The following POLD1 variants were observed in gnomAD, a reference collection of about 807,000 sequenced individuals.
POLD1 encodes DNA polymerase delta catalytic subunit.
Under a neutral mutation model 129.7 loss-of-function variants are expected in POLD1, and 79 were observed. The ratio of observed to expected loss-of-function variants is 0.61; its 90% CI spans 0.51 to 0.73. The LOEUF (loss-of-function observed/expected upper bound fraction) is 0.73. Ranked by LOEUF, POLD1 falls within the 30% of genes least tolerant of loss-of-function variation. The pLI is 0.00. For synonymous variants in POLD1, 714 were observed against 683.3 expected, an observed-to-expected ratio of 1.04 and a Z score of -0.70; for missense variants, 1,338 against 1,595.8, an observed-to-expected ratio of 0.84 and a Z score of 2.75.
At chr19:50,394,819 G>A (rs902692582) in intron 1 of POLD1, among the ~76,000 whole-genome samples, 2 of 151,858 alleles carry the variant, frequency 1.3e-5, no homozygotes, top group African/African-American at 4.8e-5. Flanking sequence ...GGACCCTGGG[G>A]GACAAGTACT....
intron 17 of POLD1, chr19:50,410,957 CTT>C (rs74367625): frequency 1.9e-4 from 24 of 124,182 alleles, no homozygotes; most frequent in Non-Finnish European, 1.1e-4. Context: ...ACACAAACAC[CTT>C]TTTTTTTTTT....
chr19:50,399,358 C>T lies in POLD1; in HGVS notation c.203-13C>T. 1 of 1,602,910 alleles carries T rather than the reference C, an allele frequency of 6.2e-7. No homozygotes were observed. Among genetic ancestry groups the T allele is most frequent in the South Asian group, 1.1e-5 (1 of 90,772 alleles). On this transcript the variant is annotated splice_polypyrimidine_tract_variant and intron_variant, in intron 2 of 26. Transcript: ENST00000440232. ...GACTCCATGTACTCCACTTCCTTCC[C>T]TTCCCCCACCAGGGCAGGTCCCACC...
At chr19:50,394,702 G>T (rs940409574) in intron 1 of POLD1, among the ~76,000 whole-genome samples, 39 of 152,038 alleles carry the variant, frequency 2.6e-4, no homozygotes, top group African/African-American at 8.5e-4. Flanking sequence ...TGGATATGGG[G>T]CAACCGTTAT....
intron 3 of POLD1, among the ~76,000 whole-genome samples, chr19:50,401,117 G>A (rs1400759146): frequency 2.0e-5 from 3 of 151,156 alleles, no homozygotes; most frequent in Non-Finnish European, 3.0e-5. Context: ...GTGAAACCCC[G>A]TCTCTACTAA....
intron 2 of POLD1, 149 bp downstream of exon 2, chr19:50,399,202 T>G (rs2038489264): frequency 1.5e-6 from 2 of 1,311,436 alleles, no homozygotes; most frequent in Non-Finnish European, 2.1e-6. Flanking sequence ...CCGTGCAGCC[T>G]GTGTGGCCTA....
chr19:50,416,778 C>T (rs2039313976), intron 24 of POLD1, 55 bp downstream of exon 24: 3 of 1,344,432 alleles, frequency 2.2e-6, no homozygotes, highest in African/African-American at 2.9e-5. Flanking sequence ...TCTGCCGTCA[C>T]CCCAGATCCT....
chr19:50,405,135 T>C (rs1164060088), intron 10 of POLD1, among the ~76,000 whole-genome samples: 4 of 152,072 alleles, frequency 2.6e-5, no homozygotes, highest in East Asian at 1.9e-4. Context: ...CTGGTCTCCA[T>C]CCTCACCTCA....
chr19:50,408,603 A>C, intron 14 of POLD1, 182 bp from the exon 15 acceptor site: 3 of 922,778 alleles, frequency 3.3e-6, no homozygotes, highest in Non-Finnish European at 4.8e-6. Flanking sequence ...GGCTGATCTG[A>C]AACTCCTGAG....
chr19:50,386,683 A>G (rs2123702398), intron 1 of POLD1, among the ~76,000 whole-genome samples: 2 of 152,314 alleles, frequency 1.3e-5, no homozygotes, highest in East Asian at 3.9e-4. Flanking sequence ...AACACTGCCT[A>G]AGGCCTCCTG....
At chr19:50,407,717 C>T (rs2038947991) in intron 14 of POLD1, among the ~76,000 whole-genome samples, 1 of 145,238 alleles carries the variant, frequency 6.9e-6, no homozygotes, top group Non-Finnish European at 1.5e-5. Context: ...CACCACCACG[C>T]CTGGCTAATT....
At position 50,415,590 on chromosome 19, in the gene POLD1, G is replaced by A. The variant is rs2039251699; in HGVS notation, c.2717G>A (p.Arg906Lys). ...GKQAHVELAERMRKRDPGSAP... is the reference protein window; with the variant it reads ...GKQAHVELAEKMRKRDPGSAP... ...CAGGCCCACGTGGAGCTGGCCGAGA[G>A]GTCCTGCGCGGGGCGGGTGGCCTGG... The change falls in exon 21 of 27, where the codon AGG becomes AAG. Residue 906 changes from arginine (R) to lysine (K), a missense_variant and splice_region_variant. Arg to Lys is a conservative substitution (Grantham distance 26). Transcript: ENST00000440232. 6.2e-7 allele frequency: 1 copy of A among 1,609,416 alleles called. No individual in the cohort carries two copies. Among genetic ancestry groups the A allele is most frequent in the East Asian group, 2.2e-5 (1 of 44,714 alleles).
chr19:50,386,967 C>T (rs959773139), intron 1 of POLD1, among the ~76,000 whole-genome samples: 5 of 152,302 alleles, frequency 3.3e-5, no homozygotes, highest in Admixed American at 2.6e-4. Context: ...CCGAGGCGGG[C>T]AGATCATGAG....
chr19:50,417,065 C>T lies in POLD1; in HGVS notation c.3088C>T (p.Gln1030Ter). ...SHQGAVCEFC[Q>*]PRESELYQKE... is the part of the protein sequence containing the mutation. The stretch of plus-strand genomic sequence containing the variant: ...CACAGGAGCCGTGTGTGAGTTCTGC[C>T]AGCCCCGGGAGTCTGAGCTGTATCA... The change falls in exon 25 of 27, where the codon CAG (glutamine) becomes TAG (stop). Residue 1030 changes from glutamine (Q) to a stop codon, truncating the protein, a stop_gained. Coordinates refer to ENST00000440232, the MANE Select transcript of POLD1 (RefSeq NM_002691.4). LOFTEE classifies it high-confidence loss of function. 1 of 1,552,534 alleles carries T rather than the reference C, an allele frequency of 6.4e-7. No individual in the cohort carries two copies. The highest frequency in any genetic ancestry group is 8.7e-7 in the Non-Finnish European group (1 of 1,147,730).
chr19:50,413,214 C>G lies in POLD1; in HGVS notation c.2155-212C>G, dbSNP rs3219420. Among the ~76,000 whole-genome samples, 2,467 of 152,298 alleles carry G rather than the reference C, an allele frequency of 0.016. 45 individuals carry two copies. Among genetic ancestry groups the G allele is most frequent in the Middle Eastern group, 0.041 (12 of 294 alleles). On this transcript the variant is annotated intron_variant, in intron 17 of 26. Coordinates refer to ENST00000440232, the MANE Select transcript of POLD1 (RefSeq NM_002691.4). ...CTTGTGCATGTCCAGAACTCTGAGC[C>G]AGGGAACCCACTTCTTTCCACCTGA...
intron 1 of POLD1, among the ~76,000 whole-genome samples, chr19:50,397,212 A>G (rs1211520776): frequency 6.6e-6 from 1 of 151,792 alleles, no homozygotes; most frequent in Non-Finnish European, 1.5e-5. Flanking sequence ...CAGCCTGGCC[A>G]ACATGGTGAA....
rs148396397 is a variant in POLD1, at chr19:50,412,865, C to G, written c.2155-561C>G. Among the ~76,000 whole-genome samples the G allele has an allele frequency of 2.2e-3, 340 of 152,310 alleles. 1 individual carries two copies. Among genetic ancestry groups the G allele is most frequent in the African/African-American group, 7.4e-3 (306 of 41,558 alleles). On this transcript the variant is annotated intron_variant, in intron 17 of 26. Transcript: ENST00000440232. ...CCTCAAGTGATCCAGCCACTTCAGC[C>G]TCCCAAAGTGCTGGGTGTACAGGCA...
Position 50,406,916 on chromosome 19 carries a change from T to C in POLD1, c.1495-67T>C. On this transcript the variant is annotated intron_variant, in intron 12 of 26. Coordinates refer to ENST00000440232, the MANE Select transcript of POLD1 (RefSeq NM_002691.4). The surrounding 1 kb of genome is among the most constrained non-coding windows in gnomAD (Gnocchi z 5.5). ...CAGGCTACCTCACCCTGACCCCCAC[T>C]TCCTTCTCCTGCTCCACCTCCCACC... 4.8e-6 allele frequency: 6 copies of C among 1,245,442 alleles called. No homozygotes were observed. Among genetic ancestry groups the C allele is most frequent in the South Asian group, 4.3e-5 (3 of 69,626 alleles). 77.1% of individuals were successfully genotyped at this position (1,245,442 alleles called of 1,614,324 possible). A position where few individuals can be genotyped will look rare whatever the true frequency, so the allele number is the denominator to read the frequency against.
rs761783513 is a variant in POLD1, at chr19:50,402,731, C to T, written c.960C>T (p.Ala320=). The part of the protein sequence containing the change: ...LRVLSFDIEC[A]GRKGIFPEPE... Reference sequence around the variant, plus strand: ...TGCTCAGCTTCGATATCGAGTGCGCCGGCCGCAAAGGTCTGTCCCCGGGCC... The same window carrying T: ...TGCTCAGCTTCGATATCGAGTGCGCTGGCCGCAAAGGTCTGTCCCCGGGCC... The change falls in exon 8 of 27, where the codon GCC becomes GCT. Residue 320 remains alanine, a synonymous_variant. Coordinates refer to ENST00000440232, the MANE Select transcript of POLD1 (RefSeq NM_002691.4). The T allele has an allele frequency of 1.6e-5, 26 of 1,592,514 alleles. No homozygotes were observed. The highest frequency in any genetic ancestry group is 2.1e-5 in the Non-Finnish European group (24 of 1,165,464).
At chr19:50,402,855 C>T (rs2038713650) in intron 8 of POLD1, 114 bp downstream of exon 8, 1 of 1,427,416 alleles carries the variant, frequency 7.0e-7, no homozygotes, top group Non-Finnish European at 9.5e-7. Flanking sequence ...GCAGGAGCAC[C>T]CCAGCCCATG....
Sources: allele counts gnomAD v4.1 joint callset (sites outside exome capture counted in the v4.1 genomes callset), GRCh38; gene constraint gnomAD v4.1.1; non-coding constraint Gnocchi (gnomAD v3.1); transcripts MANE v1.5; gene names NCBI Gene and HGNC (gene_info 2026-07-23, HGNC 2026-07-21).